DNAAF4: variants seen among roughly 807,000 people sequenced by gnomAD.
DNAAF4 encodes dynein assembly factor 4, axonemal.
DNAAF4 carries 43 observed loss-of-function variants against 51.8 expected under a neutral mutation model. That is an observed-to-expected ratio of 0.83 (90% CI 0.65 to 1.07). The LOEUF (loss-of-function observed/expected upper bound fraction) is 1.07, where lower values mean the gene tolerates loss of function less well. Ranked by LOEUF, DNAAF4 falls within the 50% of genes least tolerant of loss-of-function variation. The pLI is 0.00. For synonymous variants in DNAAF4, 194 were observed against 165.6 expected, an observed-to-expected ratio of 1.17 and a Z score of -1.32; for missense variants, 581 against 493.0, an observed-to-expected ratio of 1.18 and a Z score of -1.69.
chr15:55,419,479 C>T (rs1342468455), intron 7 of DNAAF4, among the ~76,000 whole-genome samples: 1 of 152,068 alleles, frequency 6.6e-6, no homozygotes, highest in Non-Finnish European at 1.5e-5. Context: ...CTCAAGCAGT[C>T]ATCCTGCCTC....
At chr15:55,450,102 C>G in intron 6 of DNAAF4, 120 bp downstream of exon 6, 1 of 1,130,014 alleles carries the variant, frequency 8.8e-7, no homozygotes, top group African/African-American at 1.6e-5. Context: ...ATATTCATGA[C>G]GTTATTTCTT....
chr15:55,417,822 C>A, exon 8 of DNAAF4: 1 of 248,732 alleles, frequency 4.0e-6, no homozygotes, highest in South Asian at 9.0e-5. Context: ...AGACAGTCAG[C>A]GAAGGGAGAT....
At position 55,430,469 on chromosome 15, in the gene DNAAF4, T is replaced by C; in HGVS notation, c.*201A>G. ...AATATGAAGAAATAAGGAATTAAAATAGATTCTTATTTAGATTTACTTATT... is the reference window on the plus strand; with the variant it reads ...AATATGAAGAAATAAGGAATTAAAACAGATTCTTATTTAGATTTACTTATT... On this transcript the variant is annotated 3_prime_UTR_variant, in exon 10 of 10. Transcript: ENST00000321149. 3 of 1,092,022 alleles carry C rather than the reference T, an allele frequency of 2.7e-6. No individual in the cohort carries two copies. Among genetic ancestry groups the C allele is most frequent in the Non-Finnish European group, 3.4e-6 (3 of 878,078 alleles). The allele number at this position is 1,092,022 out of a possible 1,614,324, so 67.6% of individuals were successfully genotyped here.
intron 5 of DNAAF4, among the ~76,000 whole-genome samples, chr15:55,452,257 A>AAG: frequency 6.7e-6 from 1 of 150,158 alleles, no homozygotes; most frequent in East Asian, 1.9e-4. Context: ...AAAAAAAAAA[A>AAG]AAAAAAAAAA....
At chr15:55,442,829 T>C (rs2057735490) in intron 6 of DNAAF4, 1 of 1,613,028 alleles carries the variant, frequency 6.2e-7, no homozygotes, top group Non-Finnish European at 8.5e-7. Context: ...TTGGCAGTCA[T>C]GACGATTCCC....
chr15:55,423,272 GCTCACTGTAAC>G (rs1318836769), intron 7 of DNAAF4, among the ~76,000 whole-genome samples: 3 of 151,648 alleles, frequency 2.0e-5, no homozygotes, highest in Admixed American at 6.6e-5. Flanking sequence ...CACAAGCACA[GCTCACTGTAAC>G]CTCAACCTCG....
chr15:55,481,685 C>T (rs1453978286), intron 4 of DNAAF4, among the ~76,000 whole-genome samples: 2 of 152,176 alleles, frequency 1.3e-5, no homozygotes, highest in Admixed American at 1.3e-4. Flanking sequence ...AGTTCCTCTG[C>T]CTCCCATAAA....
intron 4 of DNAAF4, among the ~76,000 whole-genome samples, chr15:55,488,956 G>A (rs966907034): frequency 5.9e-5 from 9 of 152,028 alleles, no homozygotes; most frequent in Non-Finnish European, 1.2e-4. Flanking sequence ...AGGCGTAGTG[G>A]CAGGCACCTG....
At chr15:55,487,256 C>T (rs887937210) in intron 4 of DNAAF4, among the ~76,000 whole-genome samples, 1 of 151,708 alleles carries the variant, frequency 6.6e-6, no homozygotes, top group South Asian at 2.1e-4. Context: ...CAGCACTCTG[C>T]AAAAATGCAC....
intron 6 of DNAAF4, among the ~76,000 whole-genome samples, chr15:55,448,270 C>T (rs949174340): frequency 6.6e-6 from 1 of 152,024 alleles, no homozygotes; most frequent in Admixed American, 6.6e-5. Context: ...CCCATTTGAT[C>T]ATGGTGGATA....
At chr15:55,481,189 C>T (rs569205886) in intron 4 of DNAAF4, among the ~76,000 whole-genome samples, 1 of 152,238 alleles carries the variant, frequency 6.6e-6, no homozygotes, top group South Asian at 2.1e-4. Context: ...TGAGAATGGA[C>T]TAATACAGGG....
chr15:55,454,824 T>G (rs1390150290), intron 5 of DNAAF4, among the ~76,000 whole-genome samples: 1 of 152,036 alleles, frequency 6.6e-6, no homozygotes, highest in Non-Finnish European at 1.5e-5. Flanking sequence ...AATGAACCCA[T>G]AATATACCAA....
chr15:55,497,523 C>A (rs926086214), intron 3 of DNAAF4, among the ~76,000 whole-genome samples, 189 bp downstream of exon 3: 13 of 151,912 alleles, frequency 8.6e-5, no homozygotes, highest in African/African-American at 3.1e-4. Context: ...TCCCTTGAAC[C>A]CCGGGGGCAG....
At position 55,497,914 on chromosome 15, in the gene DNAAF4, T is replaced by A; in HGVS notation, c.124-55A>T. On this transcript the variant is annotated intron_variant, in intron 2 of 9. Transcript: ENST00000321149. ...GTTAGTTACACAAATTAAGCACGCGTATTAAGAAACACGTGAAAAAGGTAA... is the reference window on the plus strand; with the variant it reads ...GTTAGTTACACAAATTAAGCACGCGAATTAAGAAACACGTGAAAAAGGTAA... The A allele has an allele frequency of 2.6e-6, 4 of 1,553,856 alleles. No individual in the cohort carries two copies. In the South Asian group the frequency reaches 3.6e-5, roughly 14 times the overall value.
rs189627924 is a variant in DNAAF4 at position 55,477,180 on chromosome 15, A to C, written c.406-10019T>G. Among the ~76,000 whole-genome samples the C allele has an allele frequency of 3.7e-4, 57 of 152,220 alleles. No homozygotes were observed. In the East Asian group the frequency reaches 5.6e-3, roughly 15 times the overall value. On this transcript the variant is annotated intron_variant, in intron 4 of 9. Transcript: ENST00000321149. ...GAATGAAACTCCAACTCAAAAAAAA[A>C]ATAAAAAAAGAAAAGAGTTCTGGAG...
At chr15:55,507,245 T>A (rs2058731905) in intron 1 of DNAAF4, among the ~76,000 whole-genome samples, 1 of 152,146 alleles carries the variant, frequency 6.6e-6, no homozygotes, top group African/African-American at 2.4e-5. Context: ...ACTTACAATG[T>A]GGTTACCTCC....
chr15:55,438,207 T>G (rs1043503742), intron 7 of DNAAF4, among the ~76,000 whole-genome samples: 1 of 151,504 alleles, frequency 6.6e-6, no homozygotes, highest in African/African-American at 2.4e-5. Flanking sequence ...AAAAATTAGT[T>G]GGGCGTGGTG....
chr15:55,469,187 C>A (rs1440601180), intron 4 of DNAAF4, among the ~76,000 whole-genome samples: 1 of 151,774 alleles, frequency 6.6e-6, no homozygotes, highest in East Asian at 1.9e-4. Flanking sequence ...CAAAATTTAG[C>A]CGGGCTTGGT....
chr15:55,483,847 T>A (rs976696779), intron 4 of DNAAF4, among the ~76,000 whole-genome samples: 1,181 of 70,212 alleles, frequency 0.017, 37 homozygotes, highest in Non-Finnish European at 0.033. Flanking sequence ...TTTTTTTTTT[T>A]TTTTTTTTTT....
Sources: gnomAD v4.1 joint callset for allele counts (sites outside exome capture counted in the v4.1 genomes callset) on GRCh38, gnomAD v4.1.1 for gene constraint, MANE v1.5 for transcripts, NCBI Gene and HGNC (gene_info 2026-07-23, HGNC 2026-07-21) for gene names.